The following SLC39A11 variants were observed in gnomAD, a reference collection of about 807,000 sequenced individuals.
The protein encoded by SLC39A11 is zinc transporter ZIP11.
In SLC39A11, 33 loss-of-function variants were observed where a neutral mutation model predicts 36.1. That is an observed-to-expected ratio of 0.91 (90% CI 0.69 to 1.22). The LOEUF (loss-of-function observed/expected upper bound fraction) is 1.22, where lower values mean the gene tolerates loss of function less well. SLC39A11 is among the 50% of genes most tolerant of loss of function. The pLI, the probability that SLC39A11 is intolerant of heterozygous loss-of-function variation, is 0.00. For missense variants in SLC39A11, 432 were observed against 430.3 expected (o/e 1.00, Z -0.03); for synonymous variants, 166 against 170.3 (o/e 0.97, Z 0.20).
At chr17:72,847,403 T>TAAA (rs5821924) in intron 6 of SLC39A11, among the ~76,000 whole-genome samples, 1 of 141,482 alleles carries the variant, frequency 7.1e-6, no homozygotes, top group Non-Finnish European at 1.5e-5. Flanking sequence ...CTCTGTCTCA[T>TAAA]AAAAAAAAAA....
chr17:73,041,293 AAG>A (rs1356935254), intron 3 of SLC39A11, among the ~76,000 whole-genome samples: 1 of 152,224 alleles, frequency 6.6e-6, no homozygotes, highest in Non-Finnish European at 1.5e-5. Context: ...TGGAAGCTTG[AAG>A]AGAGAAGCAG....
chr17:72,698,831 C>T (rs901009840), intron 7 of SLC39A11, among the ~76,000 whole-genome samples: 7 of 151,956 alleles, frequency 4.6e-5, no homozygotes, highest in African/African-American at 1.7e-4. Flanking sequence ...GAGGTTGGTT[C>T]TTTTTTTGTT....
chr17:72,943,161 G>A (rs567385531), intron 5 of SLC39A11, among the ~76,000 whole-genome samples: 3 of 152,308 alleles, frequency 2.0e-5, no homozygotes, highest in African/African-American at 7.2e-5. Flanking sequence ...GAACTCCATC[G>A]TGTTCCCGAA....
intron 6 of SLC39A11, among the ~76,000 whole-genome samples, chr17:72,842,459 T>C (rs1260610064): frequency 1.3e-5 from 2 of 152,200 alleles, no homozygotes; most frequent in Admixed American, 1.3e-4. Flanking sequence ...TTTAACTTTC[T>C]CCCATACAAA....
intron 5 of SLC39A11, among the ~76,000 whole-genome samples, chr17:72,864,002 C>A (rs1382556532): frequency 6.6e-6 from 1 of 152,150 alleles, no homozygotes; most frequent in Admixed American, 6.5e-5. Context: ...ACCACTGAGA[C>A]TGAACCCTCT....
intron 6 of SLC39A11, among the ~76,000 whole-genome samples, chr17:72,741,253 C>G (rs1278373981): frequency 6.6e-6 from 1 of 151,720 alleles, no homozygotes; most frequent in Non-Finnish European, 1.5e-5. Flanking sequence ...GAGATGGTCT[C>G]ACTAAGTTGT....
chr17:73,048,154 C>T (rs1228122797), intron 3 of SLC39A11, among the ~76,000 whole-genome samples: 1 of 151,394 alleles, frequency 6.6e-6, no homozygotes, highest in Non-Finnish European at 1.5e-5. Flanking sequence ...GACCACAGCA[C>T]CCAATAGTAC....
chr17:72,674,834 A>G (rs2071181809), intron 7 of SLC39A11, among the ~76,000 whole-genome samples: 1 of 152,144 alleles, frequency 6.6e-6, no homozygotes, highest in Non-Finnish European at 1.5e-5. Context: ...GATGATTTTT[A>G]AAACGTGTTT....
At chr17:72,704,356 T>C (rs2143131935) in intron 7 of SLC39A11, among the ~76,000 whole-genome samples, 1 of 152,312 alleles carries the variant, frequency 6.6e-6, no homozygotes, top group Non-Finnish European at 1.5e-5. Flanking sequence ...ACCTAGGAAG[T>C]CTGACTTCAG....
chr17:73,012,069 GT>G (rs1221394081), intron 4 of SLC39A11, among the ~76,000 whole-genome samples: 3 of 131,964 alleles, frequency 2.3e-5, no homozygotes, highest in Middle Eastern at 4.1e-3. Flanking sequence ...GAGGTCAGGA[GT>G]TTGAGACCAG....
intron 6 of SLC39A11, among the ~76,000 whole-genome samples, chr17:72,762,372 C>T (rs2075617686): frequency 6.6e-6 from 1 of 152,192 alleles, no homozygotes; most frequent in African/African-American, 2.4e-5. Flanking sequence ...GAGACACTCC[C>T]AATAGCACCA....
chr17:72,853,447 A>G lies in SLC39A11; in HGVS notation c.431-3643T>C, dbSNP rs563190692. Reference sequence around the variant, plus strand: ...CCGACAGTTGCGCTTGTTTTTGCCAATGTCACAAAAGGATCCTACTCTGAA... The same window carrying G: ...CCGACAGTTGCGCTTGTTTTTGCCAGTGTCACAAAAGGATCCTACTCTGAA... On this transcript the variant is annotated intron_variant, in intron 5 of 9. Transcript: ENST00000255559. Among the ~76,000 whole-genome samples the G allele has an allele frequency of 3.3e-5, 5 of 152,184 alleles. No homozygotes were observed. In the East Asian group the frequency reaches 7.7e-4, roughly 24 times the overall value.
chr17:72,867,300 G>C (rs770725607), intron 5 of SLC39A11, among the ~76,000 whole-genome samples: 42 of 152,138 alleles, frequency 2.8e-4, no homozygotes, highest in Non-Finnish European at 5.6e-4. Context: ...AGGAGTTCGA[G>C]GCCAGCCTGG....
intron 4 of SLC39A11, among the ~76,000 whole-genome samples, chr17:72,980,274 G>C (rs897158615): frequency 4.6e-5 from 7 of 152,174 alleles, no homozygotes; most frequent in Non-Finnish European, 8.8e-5. Flanking sequence ...GATGGAATAT[G>C]TCATGAAATA....
chr17:73,011,821 C>T (rs1055417700), intron 4 of SLC39A11, among the ~76,000 whole-genome samples: 9 of 151,242 alleles, frequency 6.0e-5, no homozygotes, highest in African/African-American at 2.2e-4. Context: ...ACCACCATGC[C>T]CGGCTAGTTT....
At chr17:72,924,145 CAAAAA>C (rs1192201974) in intron 5 of SLC39A11, among the ~76,000 whole-genome samples, 1 of 69,520 alleles carries the variant, frequency 1.4e-5, no homozygotes, top group African/African-American at 4.8e-5. Flanking sequence ...GACCCCGTCT[CAAAAA>C]AAAAAAAAAA....
At chr17:72,791,945 C>G (rs543357435) in intron 6 of SLC39A11, among the ~76,000 whole-genome samples, 1 of 152,276 alleles carries the variant, frequency 6.6e-6, no homozygotes, top group East Asian at 1.9e-4. Flanking sequence ...TACCCAGTCT[C>G]GGGCAGTTCT....
chr17:72,749,924 T>C (rs1238807581), intron 6 of SLC39A11, among the ~76,000 whole-genome samples: 1 of 151,946 alleles, frequency 6.6e-6, no homozygotes, highest in East Asian at 1.9e-4. Context: ...CAGCCACACA[T>C]CCCTCCTGGC....
At chr17:72,808,644 T>G (rs2077335999) in intron 6 of SLC39A11, among the ~76,000 whole-genome samples, 1 of 152,182 alleles carries the variant, frequency 6.6e-6, no homozygotes, top group Admixed American at 6.5e-5. Context: ...GATTTGTGAT[T>G]TCTGCAATTG....
Sources: gnomAD v4.1 joint callset for allele counts (sites outside exome capture counted in the v4.1 genomes callset) on GRCh38, gnomAD v4.1.1 for gene constraint, MANE v1.5 for transcripts, NCBI Gene and HGNC (gene_info 2026-07-23, HGNC 2026-07-21) for gene names.